Variants in NFIX observed in about 807,000 individuals in gnomAD.
NFIX encodes nuclear factor I X, also known as nuclear factor 1 X-type.
NFIX carries 2 observed loss-of-function variants against 53.3 expected under a neutral mutation model. That is an observed-to-expected ratio of 0.04 (90% confidence interval 0.02 to 0.12). The LOEUF is 0.12. Among genes scored for constraint, NFIX ranks in the 10% least tolerant of loss-of-function variants. The pLI is 1.00. For missense variants in NFIX, 310 were observed against 674.5 expected (o/e 0.46, Z 5.99); for synonymous variants, 244 against 289.0 (o/e 0.84, Z 1.58).
chr19:13,031,084 A>T (rs996917059), intron 2 of NFIX, among the ~76,000 whole-genome samples: 13 of 152,096 alleles, frequency 8.5e-5, no homozygotes, highest in Admixed American at 2.6e-4. Context: ...AAATGCCCAG[A>T]CCCAATCCTT....
chr19:13,056,156 C>T (rs1010500004), intron 2 of NFIX, among the ~76,000 whole-genome samples: 1 of 152,176 alleles, frequency 6.6e-6, no homozygotes, highest in Non-Finnish European at 1.5e-5. Context: ...CCGCAGTACC[C>T]GCCCTTCGGA....
chr19:13,007,051 C>T (rs1294145549), intron 1 of NFIX, among the ~76,000 whole-genome samples: 2 of 152,186 alleles, frequency 1.3e-5, no homozygotes, highest in Non-Finnish European at 2.9e-5. Flanking sequence ...TCTTCCGCTG[C>T]CCCTTTGCAG....
Position 13,090,399 on chromosome 19 carries a change from C to T in NFIX, c.1494+9C>T, listed in dbSNP as rs1471344996. ...TCCCACAGCAGTCTCAGGTAGGAGA[C>T]CCTGCCCACCACCTGGATGCAGGGA... On this transcript the variant is annotated intron_variant, in intron 10 of 10. Transcript: ENST00000592199. The surrounding 1 kb of genome is among the most constrained non-coding windows in gnomAD (Gnocchi z 6.6). The T allele has an allele frequency of 1.2e-6, 2 of 1,612,684 alleles. No individual in the cohort carries two copies. Among genetic ancestry groups the T allele is most frequent in the Non-Finnish European group, 1.7e-6 (2 of 1,178,830 alleles).
intron 2 of NFIX, among the ~76,000 whole-genome samples, chr19:13,038,319 T>C (rs1415443293): frequency 6.6e-6 from 1 of 152,188 alleles, no homozygotes; most frequent in Non-Finnish European, 1.5e-5. Context: ...AGCCTGCCTG[T>C]TTTCCCTGCC....
intron 2 of NFIX, among the ~76,000 whole-genome samples, chr19:13,039,228 C>CACACACACA (rs1555698305): frequency 3.0e-4 from 44 of 144,584 alleles, no homozygotes; most frequent in African/African-American, 1.2e-3. Context: ...ACACCCCCCC[C>CACACACACA]CACACACACA....
At chr19:13,044,528 G>A (rs1249479230) in intron 2 of NFIX, among the ~76,000 whole-genome samples, 1 of 152,126 alleles carries the variant, frequency 6.6e-6, no homozygotes, top group Non-Finnish European at 1.5e-5. Flanking sequence ...TGAGGTTCAA[G>A]TTCTTGTTAC....
At chr19:13,018,424 G>A (rs1480457621) in intron 1 of NFIX, among the ~76,000 whole-genome samples, 1 of 151,810 alleles carries the variant, frequency 6.6e-6, no homozygotes, top group Admixed American at 6.6e-5. Context: ...ACTGGGGTGT[G>A]GGGCGAATCC....
chr19:13,048,234 T>G (rs745349692), intron 2 of NFIX, among the ~76,000 whole-genome samples: 34 of 152,228 alleles, frequency 2.2e-4, no homozygotes, highest in Admixed American at 2.2e-3. Context: ...AACTCTAAAC[T>G]CTTCTTTCCA....
At position 12,998,325 on chromosome 19, in the gene NFIX, CCT is replaced by C. The variant is rs369500949; in HGVS notation, c.27+2473_27+2474del. On this transcript the variant is annotated intron_variant, in intron 1 of 10. Transcript: ENST00000592199. This position sits in a 1 kb window ranked among gnomAD's most constrained non-coding sequence, Gnocchi z 4.4. Reference sequence around the variant, plus strand: ...TCTCTGGCCTGCCTCTCTCTCTTTCCCTCTCTCTCTCTCCCTTTTCTTTTTTT... The same window carrying C: ...TCTCTGGCCTGCCTCTCTCTCTTTCCCTCTCTCTCTCCCTTTTCTTTTTTT... 7.3e-5 allele frequency among the ~76,000 whole-genome samples: 11 copies of C among 151,438 alleles called. No homozygotes were observed. Among genetic ancestry groups the C allele is most frequent in the Non-Finnish European group, 1.0e-4 (7 of 67,822 alleles).
At position 13,098,337 on chromosome 19, in the gene NFIX, C is replaced by T. The variant is rs1050592073; in HGVS notation, c.*3688C>T. The T allele has an allele frequency of 3.3e-5, 5 of 150,498 alleles. No individual in the cohort carries two copies. The highest frequency in any genetic ancestry group is 9.8e-5 in the African/African-American group (4 of 40,852). The allele number at this position is 150,498 out of a possible 1,614,324, so 9.3% of individuals were successfully genotyped here. A position where few individuals can be genotyped will look rare whatever the true frequency, so the allele number is the denominator to read the frequency against. Reference sequence around the variant, plus strand: ...AGCCTGGGCCAGCCCCGCTTCGGCCCCTCCCGGGAGATCCGTGCGCCCGAC... The same window carrying T: ...AGCCTGGGCCAGCCCCGCTTCGGCCTCTCCCGGGAGATCCGTGCGCCCGAC... On this transcript the variant is annotated 3_prime_UTR_variant, in exon 11 of 11. Transcript: ENST00000592199.
rs1247036952 is a variant in NFIX, at chr19:13,088,017, C to T, written c.1283C>T (p.Pro428Leu). ...QPNGSGQGKV[P>L]GSFLLPPPPP... ...AACGGTAGCGGCCAGGGCAAAGTCC[C>T]GGGGTCATTTTTGCTACCGCCGCCG... Residue 428 changes from proline (P) to leucine (L), a missense_variant, in exon 9 of 11, where the codon CCG (proline) becomes CTG (leucine). Pro to Leu is a moderately conservative substitution (Grantham distance 98, BLOSUM62 -3). Coordinates refer to ENST00000592199, the MANE Select transcript of NFIX (RefSeq NM_001365902.3). The surrounding 1 kb of genome is among the most constrained non-coding windows in gnomAD (Gnocchi z 5.9). 2.6e-6 allele frequency: 4 copies of T among 1,536,074 alleles called. No individual in the cohort carries two copies. Among genetic ancestry groups the T allele is most frequent in the South Asian group, 2.4e-5 (2 of 84,056 alleles).
intron 8 of NFIX, among the ~76,000 whole-genome samples, chr19:13,087,085 G>T (rs959406894): frequency 6.6e-6 from 1 of 152,322 alleles, no homozygotes; most frequent in Non-Finnish European, 1.5e-5. Flanking sequence ...AGCAGCAGGA[G>T]GTGTGTGCCC....
chr19:13,049,993 G>A lies in NFIX; in HGVS notation c.560-23054G>A, dbSNP rs989006402. Among the ~76,000 whole-genome samples, 3 of 152,220 alleles carry A rather than the reference G, an allele frequency of 2.0e-5. No individual in the cohort carries two copies. The highest frequency in any genetic ancestry group is 4.4e-5 in the Non-Finnish European group (3 of 68,034). On this transcript the variant is annotated intron_variant, in intron 2 of 10. Coordinates refer to ENST00000592199, the MANE Select transcript of NFIX (RefSeq NM_001365902.3). This position sits in a 1 kb window ranked among gnomAD's most constrained non-coding sequence, Gnocchi z 4.5. ...ATATTTGGGCTCTTTCCACTTTGTG[G>A]TGTGAGTAATGTTGCAGTAAACATG...
rs1483074289 is a variant in NFIX, at chr19:13,014,333, G to C, written c.28-10688G>C. The C allele has an allele frequency of 6.6e-6, 1 of 152,178 alleles. No individual in the cohort carries two copies. The highest frequency in any genetic ancestry group is 1.5e-5 in the Non-Finnish European group (1 of 68,052). The allele number at this position is 152,178 out of a possible 1,614,324, so 9.4% of individuals were successfully genotyped here. The stretch of plus-strand genomic sequence containing the variant: ...CTCCTCTTCCCTCCCCCGCCTCTGG[G>C]CCCTGACCCACTGCCTGGTTTGCGC... On this transcript the variant is annotated intron_variant, in intron 1 of 10. Coordinates refer to ENST00000592199, the MANE Select transcript of NFIX (RefSeq NM_001365902.3). This position sits in a 1 kb window ranked among gnomAD's most constrained non-coding sequence, Gnocchi z 4.4.
At position 13,021,719 on chromosome 19, in the gene NFIX, T is replaced by C. The variant is rs145165616; in HGVS notation, c.28-3302T>C. ...GTGTTTCGAAGGCCTCAAGCATGGC[T>C]GCTCCATAGCTCTAACTGGAGAGAC... On this transcript the variant is annotated intron_variant, in intron 1 of 10. Coordinates refer to ENST00000592199, the MANE Select transcript of NFIX (RefSeq NM_001365902.3). This position sits in a 1 kb window ranked among gnomAD's most constrained non-coding sequence, Gnocchi z 4.2. Among the ~76,000 whole-genome samples the C allele has an allele frequency of 6.6e-6, 1 of 152,264 alleles. No individual in the cohort carries two copies. The highest frequency in any genetic ancestry group is 1.9e-4 in the East Asian group (1 of 5,176).
At position 13,051,954 on chromosome 19, in the gene NFIX, G is replaced by A. The variant is rs893890555; in HGVS notation, c.560-21093G>A. Among the ~76,000 whole-genome samples, 2 of 152,166 alleles carry A rather than the reference G, an allele frequency of 1.3e-5. No homozygotes were observed. The highest frequency in any genetic ancestry group is 1.3e-4 in the Admixed American group (2 of 15,276). Reference sequence around the variant, plus strand: ...CCCGCCTTCTCCGCTCCGGCTTCATGCTCTCCAGGTTTCTCCACTTCCTTT... The same window carrying A: ...CCCGCCTTCTCCGCTCCGGCTTCATACTCTCCAGGTTTCTCCACTTCCTTT... On this transcript the variant is annotated intron_variant, in intron 2 of 10. Coordinates refer to ENST00000592199, the MANE Select transcript of NFIX (RefSeq NM_001365902.3). The surrounding 1 kb of genome is among the most constrained non-coding windows in gnomAD (Gnocchi z 5.1).
Position 13,081,660 on chromosome 19 carries a change from C to T in NFIX, c.1079-20C>T. Reference sequence around the variant, plus strand: ...CTCCTTGGCCCTGACGCCCTTTTTTCCCTGCCCACGTGCATGCAGGGAGCC... The same window carrying T: ...CTCCTTGGCCCTGACGCCCTTTTTTTCCTGCCCACGTGCATGCAGGGAGCC... On this transcript the variant is annotated intron_variant, in intron 7 of 10. Transcript: ENST00000592199. This position sits in a 1 kb window ranked among gnomAD's most constrained non-coding sequence, Gnocchi z 4.7. 1.0e-5 allele frequency: 16 copies of T among 1,607,502 alleles called. No individual in the cohort carries two copies. The highest frequency in any genetic ancestry group is 1.2e-5 in the Non-Finnish European group (14 of 1,175,836).
Position 13,067,508 on chromosome 19 carries a change from G to A in NFIX, c.560-5539G>A, listed in dbSNP as rs2016501132. ...CGTGTGTGTGTGTGTGTGTGTGTAT[G>A]TGTGTGTCTGAGTCTGAGCATATGA... On this transcript the variant is annotated intron_variant, in intron 2 of 10. Coordinates refer to ENST00000592199, the MANE Select transcript of NFIX (RefSeq NM_001365902.3). The surrounding 1 kb of genome is among the most constrained non-coding windows in gnomAD (Gnocchi z 4.2). Among the ~76,000 whole-genome samples, 1 of 151,476 alleles carries A rather than the reference G, an allele frequency of 6.6e-6. No individual in the cohort carries two copies. The highest frequency in any genetic ancestry group is 2.1e-4 in the South Asian group (1 of 4,824).
At chr19:13,065,479 G>C (rs1271187765) in intron 2 of NFIX, among the ~76,000 whole-genome samples, 1 of 152,178 alleles carries the variant, frequency 6.6e-6, no homozygotes. Flanking sequence ...GTTTGGTGCT[G>C]GGTCACCTTG....
Sources: gnomAD v4.1 joint callset for allele counts (sites outside exome capture counted in the v4.1 genomes callset) on GRCh38, gnomAD v4.1.1 for gene constraint, Gnocchi (gnomAD v3.1) non-coding constraint, MANE v1.5 for transcripts, NCBI Gene and HGNC (gene_info 2026-07-23, HGNC 2026-07-21) for gene names.